ARID1B: variants seen among roughly 807,000 people sequenced by gnomAD.
ARID1B encodes the protein AT-rich interaction domain 1B.
ARID1B carries 30 observed loss-of-function variants against 212.3 expected under a neutral mutation model. The observed-to-expected ratio is 0.14, with a 90% CI of 0.11 to 0.19. ARID1B has a LOEUF of 0.19. ARID1B is among the 10% of genes least tolerant of loss of function. The pLI, the probability that ARID1B is intolerant of heterozygous loss-of-function variation, is 1.00. For synonymous variants in ARID1B, 1,402 were observed against 1,301.7 expected (o/e 1.08, Z -1.66); for missense variants, 2,891 against 3,204.0 (o/e 0.90, Z 2.36).
chr6:157,002,158 C>T (rs192330199), intron 4 of ARID1B, among the ~76,000 whole-genome samples: 116 of 152,192 alleles, frequency 7.6e-4, no homozygotes, highest in South Asian at 2.5e-3. Flanking sequence ...ATTGCCAAGT[C>T]GGGATGAGAA....
intron 1 of ARID1B, among the ~76,000 whole-genome samples, chr6:156,789,915 A>G (rs1779901633): frequency 6.6e-6 from 1 of 152,220 alleles, no homozygotes; most frequent in South Asian, 2.1e-4. Context: ...CTTTTAATAG[A>G]GTAACAAAGG....
At chr6:156,941,009 A>C (rs1792632183) in intron 4 of ARID1B, 1 of 152,230 alleles carries the variant, frequency 6.6e-6, no homozygotes, top group African/African-American at 2.4e-5. Flanking sequence ...TGTCATTAAA[A>C]GGTTAAGAGT....
intron 4 of ARID1B, among the ~76,000 whole-genome samples, chr6:157,031,775 A>G (rs1295502526): frequency 1.3e-5 from 2 of 152,172 alleles, no homozygotes; most frequent in African/African-American, 4.8e-5. Flanking sequence ...AGTCAAATAT[A>G]TTAAAAGAAA....
intron 3 of ARID1B, among the ~76,000 whole-genome samples, chr6:156,932,913 C>T (rs955566146): frequency 2.0e-5 from 3 of 152,152 alleles, no homozygotes; most frequent in African/African-American, 4.8e-5. Flanking sequence ...TCCAACTGTA[C>T]TTAATAGCTG....
intron 4 of ARID1B, among the ~76,000 whole-genome samples, chr6:157,057,569 G>A (rs1783048013): frequency 1.3e-5 from 2 of 152,112 alleles, no homozygotes; most frequent in Admixed American, 1.3e-4. Flanking sequence ...GATTGCAAGT[G>A]TGAGCCACCA....
intron 1 of ARID1B, 193 bp downstream of exon 1, chr6:156,779,664 G>T: frequency 2.8e-6 from 1 of 357,584 alleles, no homozygotes; most frequent in South Asian, 1.2e-4. Flanking sequence ...GCGCTGTCCA[G>T]GCCTGGGAGG....
intron 5 of ARID1B, among the ~76,000 whole-genome samples, chr6:157,097,240 A>G (rs74814236): frequency 0.024 from 3,668 of 152,330 alleles, 76 homozygotes; most frequent in Non-Finnish European, 0.041. Flanking sequence ...ACTTAATTCT[A>G]TATCTAAATG....
At chr6:157,054,105 T>A (rs1782782163) in intron 4 of ARID1B, among the ~76,000 whole-genome samples, 1 of 151,954 alleles carries the variant, frequency 6.6e-6, no homozygotes, top group African/African-American at 2.4e-5. Flanking sequence ...GTGCCTGTAA[T>A]CCCAGCTATT....
intron 2 of ARID1B, among the ~76,000 whole-genome samples, chr6:156,876,576 A>G (rs1317683634): frequency 7.2e-5 from 11 of 152,092 alleles, no homozygotes; most frequent in Admixed American, 3.9e-4. Context: ...GCACTGCTCA[A>G]TCTCTTAAGT....
intron 8 of ARID1B, chr6:157,149,407 A>G (rs1021957202): frequency 5.6e-6 from 1 of 178,426 alleles, no homozygotes; most frequent in Non-Finnish European, 1.2e-5. Context: ...TCGTATGTAT[A>G]CATACGTGTA....
intron 4 of ARID1B, among the ~76,000 whole-genome samples, chr6:157,021,086 C>T (rs534796194): frequency 7.0e-6 from 1 of 143,166 alleles, no homozygotes; most frequent in East Asian, 2.4e-4. Flanking sequence ...TCCTCGGCTG[C>T]GCTTTTACTC....
intron 2 of ARID1B, among the ~76,000 whole-genome samples, chr6:156,897,221 T>TGCTG (rs1562468311): frequency 0.01 from 806 of 78,542 alleles, 4 homozygotes; most frequent in Non-Finnish European, 0.013. Flanking sequence ...TGCTGCTGCT[T>TGCTG]CTTCTTCTTC....
intron 4 of ARID1B, among the ~76,000 whole-genome samples, chr6:156,974,364 A>G (rs1487798483): frequency 6.6e-6 from 1 of 152,190 alleles, no homozygotes; most frequent in Non-Finnish European, 1.5e-5. Context: ...TTCTTTTTGC[A>G]GCAAACCAAC....
chr6:157,189,951 A>G, intron 14 of ARID1B, 87 bp from the exon 15 acceptor site: 2 of 1,580,358 alleles, frequency 1.3e-6, no homozygotes, highest in African/African-American at 1.4e-5. Flanking sequence ...GCATTTGCAC[A>G]TTTCAAGATG....
At chr6:157,075,904 G>A (rs576967829) in intron 4 of ARID1B, among the ~76,000 whole-genome samples, 5 of 152,170 alleles carry the variant, frequency 3.3e-5, no homozygotes, top group Admixed American at 6.5e-5. Flanking sequence ...AAGGAGACAC[G>A]GCGAGTCATT....
intron 6 of ARID1B, among the ~76,000 whole-genome samples, chr6:157,125,081 C>T (rs1356284897): frequency 6.6e-6 from 1 of 152,138 alleles, no homozygotes; most frequent in Admixed American, 6.5e-5. Flanking sequence ...GACTGCGTGT[C>T]CAGGGTAGGG....
intron 5 of ARID1B, among the ~76,000 whole-genome samples, 153 bp downstream of exon 5, chr6:157,085,058 G>C (rs1356234012): frequency 6.6e-6 from 1 of 152,178 alleles, no homozygotes; most frequent in Non-Finnish European, 1.5e-5. Flanking sequence ...GAGAGTCCCA[G>C]TTCCTAAAGA....
chr6:156,984,162 G>A (rs1038147077), intron 4 of ARID1B, among the ~76,000 whole-genome samples: 2 of 152,132 alleles, frequency 1.3e-5, no homozygotes, highest in African/African-American at 4.8e-5. Flanking sequence ...GTCTCCAGGA[G>A]GTATCAGGAC....
intron 1 of ARID1B, among the ~76,000 whole-genome samples, chr6:156,786,961 T>TTTC (rs1290548942): frequency 1.3e-5 from 2 of 151,816 alleles, no homozygotes; most frequent in Non-Finnish European, 2.9e-5. Context: ...TTTTTTTTTT[T>TTTC]TTCCGGTGGG....
Sources: gnomAD v4.1 joint callset for allele counts (sites outside exome capture counted in the v4.1 genomes callset) on GRCh38, gnomAD v4.1.1 for gene constraint, MANE v1.5 for transcripts, NCBI Gene and HGNC (gene_info 2026-07-23, HGNC 2026-07-21) for gene names.